The following TSPAN9 variants were observed in gnomAD, a reference collection of about 807,000 sequenced individuals.
TSPAN9 encodes the protein tetraspanin 9.
TSPAN9 carries 16 observed loss-of-function variants against 31.0 expected under a neutral mutation model. The ratio of observed to expected loss-of-function variants is 0.52; its 90% CI spans 0.35 to 0.78. TSPAN9 has a LOEUF of 0.78. Ranked by LOEUF, TSPAN9 falls within the 30% of genes least tolerant of loss-of-function variation. The probability of loss-of-function intolerance (pLI) is 0.01; values close to 1 mark genes in which losing one functional copy is unlikely to be tolerated. For synonymous variants in TSPAN9, 145 were observed against 121.6 expected, an observed-to-expected ratio of 1.19 and a Z score of -1.27; for missense variants, 272 against 312.5, an observed-to-expected ratio of 0.87 and a Z score of 0.98.
intron 2 of TSPAN9, among the ~76,000 whole-genome samples, chr12:3,141,152 T>TC (rs1437852180): frequency 6.6e-6 from 1 of 152,014 alleles, no homozygotes; most frequent in Non-Finnish European, 1.5e-5. Flanking sequence ...TAGCTCAGCT[T>TC]CCACAGTCTC....
At chr12:3,079,535 C>T (rs1031548496) in intron 1 of TSPAN9, among the ~76,000 whole-genome samples, 5 of 151,956 alleles carry the variant, frequency 3.3e-5, no homozygotes, top group African/African-American at 9.7e-5. Flanking sequence ...TATCTCGGCT[C>T]ACTGCAACCT....
rs2098361914 is a variant in TSPAN9 at position 3,187,299 on chromosome 12, T to TG, written c.-17-13874dup. On this transcript the variant is annotated intron_variant, in intron 2 of 8. Transcript: ENST00000011898. The surrounding 1 kb of genome is among the most constrained non-coding windows in gnomAD (Gnocchi z 5.2). ...GGGCTTGTCCTTTGGTGTTGTGATG[T>TG]GGGGCGTCTCTGCTTTTCCTAGCTG... 2.0e-5 allele frequency among the ~76,000 whole-genome samples: 3 copies of TG among 152,142 alleles called. No individual in the cohort carries two copies. The highest frequency in any genetic ancestry group is 4.4e-5 in the Non-Finnish European group (3 of 68,030).
rs371482738 is a variant in TSPAN9 at position 3,117,047 on chromosome 12, G to T, written c.-18+33328G>T. 9.7e-4 allele frequency among the ~76,000 whole-genome samples: 147 copies of T among 152,284 alleles called. 2 individuals carry two copies. The South Asian group carries it at 0.03, about 31-fold the overall frequency. ...GGGTGACAGATCTTCACCTTTACAAGCAGGATGGCTTTAGGAAAGGAAGTA... is the reference window on the plus strand; with the variant it reads ...GGGTGACAGATCTTCACCTTTACAATCAGGATGGCTTTAGGAAAGGAAGTA... On this transcript the variant is annotated intron_variant, in intron 2 of 8. Coordinates refer to ENST00000011898, the MANE Select transcript of TSPAN9 (RefSeq NM_006675.5).
intron 2 of TSPAN9, among the ~76,000 whole-genome samples, chr12:3,137,302 C>T (rs540299876): frequency 1.3e-4 from 20 of 152,318 alleles, no homozygotes; most frequent in East Asian, 9.7e-4. Flanking sequence ...CACGTTTCCC[C>T]GGGCCACGCT....
Position 3,168,649 on chromosome 12 carries a change from T to C in TSPAN9, c.-17-32528T>C, listed in dbSNP as rs2098349943. Among the ~76,000 whole-genome samples, 1 of 152,108 alleles carries C rather than the reference T, an allele frequency of 6.6e-6. No homozygotes were observed. Among genetic ancestry groups the C allele is most frequent in the Admixed American group, 6.5e-5 (1 of 15,280 alleles). ...CATCCAATCTCTTTACGAATGGATG[T>C]CTCAAGAGCAGTTACAGGCATTGGG... On this transcript the variant is annotated intron_variant, in intron 2 of 8. Coordinates refer to ENST00000011898, the MANE Select transcript of TSPAN9 (RefSeq NM_006675.5). The surrounding 1 kb of genome is among the most constrained non-coding windows in gnomAD (Gnocchi z 4.0).
intron 2 of TSPAN9, among the ~76,000 whole-genome samples, chr12:3,185,837 G>A (rs528107174): frequency 1.3e-5 from 2 of 152,192 alleles, no homozygotes; most frequent in Admixed American, 6.5e-5. Context: ...GCTGGAGTTC[G>A]GGTGTGGCTG....
intron 3 of TSPAN9, among the ~76,000 whole-genome samples, chr12:3,230,060 C>A (rs1334561828): frequency 6.6e-6 from 1 of 152,160 alleles, no homozygotes; most frequent in Non-Finnish European, 1.5e-5. Flanking sequence ...CCCTTCCTTT[C>A]TTCTCCTCCC....
chr12:3,254,332 C>A (rs1327260764), intron 3 of TSPAN9, among the ~76,000 whole-genome samples: 1 of 152,356 alleles, frequency 6.6e-6, no homozygotes, highest in South Asian at 2.1e-4. Context: ...CCCTGCCCCA[C>A]CCCCTCAATG....
At chr12:3,278,325 G>A in intron 3 of TSPAN9, 96 bp from the exon 4 acceptor site, 2 of 1,507,440 alleles carry the variant, frequency 1.3e-6, no homozygotes, top group Admixed American at 2.0e-5. Flanking sequence ...CACTTTGTCT[G>A]TGTCTCAGAG....
chr12:3,173,380 C>T (rs1344738546), intron 2 of TSPAN9: 1 of 152,474 alleles, frequency 6.6e-6, no homozygotes, highest in Non-Finnish European at 1.5e-5. Flanking sequence ...TCTCTTCCCT[C>T]TGCCAGGCAG....
chr12:3,243,131 C>A (rs1349185977), intron 3 of TSPAN9, among the ~76,000 whole-genome samples: 1 of 152,204 alleles, frequency 6.6e-6, no homozygotes. Flanking sequence ...CCAATAGAGT[C>A]ATCCCTGCAA....
intron 2 of TSPAN9, among the ~76,000 whole-genome samples, chr12:3,089,359 T>C (rs76809540): frequency 2.0e-4 from 29 of 145,322 alleles, no homozygotes; most frequent in East Asian, 6.4e-4. Context: ...TGCAGTGGCG[T>C]GATCTTGGCT....
chr12:3,162,665 A>G (rs2098346041), intron 2 of TSPAN9, among the ~76,000 whole-genome samples: 2 of 152,138 alleles, frequency 1.3e-5, no homozygotes, highest in African/African-American at 4.8e-5. Flanking sequence ...CCTTTAATCT[A>G]ACCCTGCTTT....
At chr12:3,201,660 A>G (rs2098371921) in intron 3 of TSPAN9, among the ~76,000 whole-genome samples, 1 of 152,166 alleles carries the variant, frequency 6.6e-6, no homozygotes, top group Non-Finnish European at 1.5e-5. Context: ...TGTATTTCTG[A>G]GTTTCTTCTT....
At chr12:3,174,859 G>T (rs1238627764) in intron 2 of TSPAN9, among the ~76,000 whole-genome samples, 1 of 152,044 alleles carries the variant, frequency 6.6e-6, no homozygotes, top group Non-Finnish European at 1.5e-5. Context: ...TGGGATTACA[G>T]GCGTGAGCCA....
In TSPAN9 at chr12:3,258,153, A is replaced by G. The variant is rs550002479; in HGVS notation, c.64-20268A>G. 3.9e-5 allele frequency among the ~76,000 whole-genome samples: 6 copies of G among 152,302 alleles called. No homozygotes were observed. The South Asian group carries it at 1.2e-3, about 32-fold the overall frequency. On this transcript the variant is annotated intron_variant, in intron 3 of 8. Transcript: ENST00000011898. ...ACATGGCATGGTGAAAAGCAATTGC[A>G]GGAAGAATGATTGAGGGGGTGGCAG...
chr12:3,129,531 T>C (rs955947509), intron 2 of TSPAN9, among the ~76,000 whole-genome samples: 3 of 152,216 alleles, frequency 2.0e-5, no homozygotes, highest in Admixed American at 2.0e-4. Flanking sequence ...GTTTGCATCC[T>C]AATTCCACCA....
intron 2 of TSPAN9, among the ~76,000 whole-genome samples, chr12:3,109,179 G>GT: frequency 6.6e-6 from 1 of 151,600 alleles, no homozygotes; most frequent in African/African-American, 2.4e-5. Context: ...CTCGTGATCC[G>GT]CCCGCCTTGG....
rs535117189 is a variant in TSPAN9 at position 3,154,010 on chromosome 12, A to G, written c.-17-47167A>G. On this transcript the variant is annotated intron_variant, in intron 2 of 8. Coordinates refer to ENST00000011898, the MANE Select transcript of TSPAN9 (RefSeq NM_006675.5). ...ATTAATATATTAGTATTATATATATATGTGTGTGTGTGTGTGTGTGTGTGT... is the reference window on the plus strand; with the variant it reads ...ATTAATATATTAGTATTATATATATGTGTGTGTGTGTGTGTGTGTGTGTGT... 1.9e-3 allele frequency among the ~76,000 whole-genome samples: 286 copies of G among 147,974 alleles called. 2 individuals carry two copies. The highest frequency in any genetic ancestry group is 5.4e-3 in the African/African-American group (215 of 39,996).
Sources: gnomAD v4.1 joint callset for allele counts (sites outside exome capture counted in the v4.1 genomes callset) on GRCh38, gnomAD v4.1.1 for gene constraint, Gnocchi (gnomAD v3.1) non-coding constraint, MANE v1.5 for transcripts, NCBI Gene and HGNC (gene_info 2026-07-23, HGNC 2026-07-21) for gene names.